The following CNPY1 variants were observed in gnomAD, a reference collection of about 807,000 sequenced individuals.
CNPY1 encodes the protein canopy FGF signaling regulator 1, also known as protein canopy homolog 1.
CNPY1 carries 14 observed loss-of-function variants against 14.4 expected under a neutral mutation model. The observed-to-expected ratio is 0.97, with a 90% CI of 0.64 to 1.52. CNPY1 has a LOEUF of 1.52. CNPY1 is among the 40% of genes most tolerant of loss of function. The probability of loss-of-function intolerance (pLI) is 0.00; values close to 1 mark genes in which losing one functional copy is unlikely to be tolerated. For synonymous variants in CNPY1, 43 were observed against 46.5 expected (o/e 0.92, Z 0.31); for missense variants, 129 against 131.5 (o/e 0.98, Z 0.09).
At chr7:155,514,889 T>C (rs1433460411) in intron 2 of CNPY1, among the ~76,000 whole-genome samples, 1 of 151,844 alleles carries the variant, frequency 6.6e-6, no homozygotes, top group South Asian at 2.1e-4. Flanking sequence ...AGCAAAACTC[T>C]GTCTCAAAAA....
intron 2 of CNPY1, among the ~76,000 whole-genome samples, chr7:155,516,937 G>A (rs1236282130): frequency 2.6e-5 from 4 of 152,206 alleles, no homozygotes; most frequent in Non-Finnish European, 4.4e-5. Context: ...TGAAACTGCT[G>A]TGATTGGGGT....
At chr7:155,529,372 T>C (rs1368198234) in intron 2 of CNPY1, among the ~76,000 whole-genome samples, 5 of 152,190 alleles carry the variant, frequency 3.3e-5, no homozygotes, top group African/African-American at 1.2e-4. Flanking sequence ...GTTTGTTTCC[T>C]AACCTGCTGT....
intron 2 of CNPY1, among the ~76,000 whole-genome samples, chr7:155,517,708 CA>C (rs1395419750): frequency 6.6e-6 from 1 of 152,224 alleles, no homozygotes; most frequent in Non-Finnish European, 1.5e-5. Context: ...GGGGTCCGCC[CA>C]AACACCTGAA....
intron 4 of CNPY1, among the ~76,000 whole-genome samples, chr7:155,504,240 AT>A (rs1047262219): frequency 3.3e-5 from 5 of 151,966 alleles, no homozygotes; most frequent in South Asian, 2.1e-4. Flanking sequence ...TTTCATGGAT[AT>A]TTTTTTTCAC....
In CNPY1 at chr7:155,545,946, A is replaced by G. The variant is rs941208739; in HGVS notation, c.-14-3T>C. 7.5e-6 allele frequency: 3 copies of G among 398,600 alleles called. No homozygotes were observed. Among genetic ancestry groups the G allele is most frequent in the Non-Finnish European group, 8.8e-6 (2 of 226,074 alleles). 24.7% of individuals were successfully genotyped at this position (398,600 alleles called of 1,614,324 possible). ...CTCGTCCATCAGCGCCCTGCACGCT[A>G]AACAAGACACAAAACAGCTGTGATC... is the stretch of plus-strand genomic sequence containing the variant. On this transcript the variant is annotated splice_region_variant and splice_polypyrimidine_tract_variant and intron_variant, in intron 1 of 4. Coordinates refer to ENST00000636446, the MANE Select transcript of CNPY1 (RefSeq NM_001393663.1).
chr7:155,544,780 C>T (rs34868160), intron 2 of CNPY1, among the ~76,000 whole-genome samples: 20,400 of 152,240 alleles, frequency 0.13, 2,865 homozygotes, highest in African/African-American at 0.35. Flanking sequence ...TTGCCAGACA[C>T]GGCTCTTGAA....
At chr7:155,523,808 G>C (rs1432211618) in intron 2 of CNPY1, among the ~76,000 whole-genome samples, 1 of 152,214 alleles carries the variant, frequency 6.6e-6, no homozygotes, top group Non-Finnish European at 1.5e-5. Flanking sequence ...GATACACTCA[G>C]CTAGGATGAG....
At chr7:155,541,233 A>T (rs1342576069) in intron 2 of CNPY1, among the ~76,000 whole-genome samples, 1 of 152,208 alleles carries the variant, frequency 6.6e-6, no homozygotes, top group Non-Finnish European at 1.5e-5. Flanking sequence ...GACCTCCGCG[A>T]GCGGAGCACG....
rs571719038 is a variant in CNPY1 at position 155,543,907 on chromosome 7, C to T, written c.99+1924G>A. Reference sequence around the variant, plus strand: ...CACACTGGTGAATGTAGCCGTCTAGCTGCTTTCAGTTGCTTTGCAGACTAA... The same window carrying T: ...CACACTGGTGAATGTAGCCGTCTAGTTGCTTTCAGTTGCTTTGCAGACTAA... On this transcript the variant is annotated intron_variant, in intron 2 of 4. Coordinates refer to ENST00000636446, the MANE Select transcript of CNPY1 (RefSeq NM_001393663.1). Among the ~76,000 whole-genome samples the T allele has an allele frequency of 1.2e-4, 18 of 152,336 alleles. No homozygotes were observed. The South Asian group carries it at 3.7e-3, about 32-fold the overall frequency.
At chr7:155,505,617 C>T (rs1308998418) in intron 4 of CNPY1, among the ~76,000 whole-genome samples, 1 of 152,202 alleles carries the variant, frequency 6.6e-6, no homozygotes, top group Non-Finnish European at 1.5e-5. Context: ...CCTGGAGCAT[C>T]TGAGAGAGGG....
At chr7:155,544,086 C>A (rs966726437) in intron 2 of CNPY1, among the ~76,000 whole-genome samples, 1 of 152,172 alleles carries the variant, frequency 6.6e-6, no homozygotes, top group Non-Finnish European at 1.5e-5. Flanking sequence ...AGGCTCAGGA[C>A]CCCCAAACGT....
intron 2 of CNPY1, among the ~76,000 whole-genome samples, chr7:155,511,059 A>G (rs1796520838): frequency 6.6e-6 from 1 of 152,230 alleles, no homozygotes. Flanking sequence ...TTGAAAGTGA[A>G]GAGTAGACGC....
chr7:155,503,111 A>G lies in CNPY1; in HGVS notation c.401-6T>C, dbSNP rs78426535. 5 of 838,052 alleles carry G rather than the reference A, an allele frequency of 6.0e-6. No homozygotes were observed. The highest frequency in any genetic ancestry group is 4.0e-5 in the East Asian group (1 of 25,270). The allele number at this position is 838,052 out of a possible 1,614,324, so 51.9% of individuals were successfully genotyped here. A position where few individuals can be genotyped will look rare whatever the true frequency, so the allele number is the denominator to read the frequency against. On this transcript the variant is annotated splice_polypyrimidine_tract_variant and splice_region_variant and intron_variant, in intron 4 of 4. Transcript: ENST00000636446. ...AGCAGAAGTTTCACACAGATCTGGA[A>G]AAAAAAAAAAAAGTAGATAGCATCA...
intron 4 of CNPY1, among the ~76,000 whole-genome samples, chr7:155,505,097 G>A (rs1796258078): frequency 6.6e-6 from 1 of 152,030 alleles, no homozygotes; most frequent in East Asian, 1.9e-4. Flanking sequence ...TCAACAGTAG[G>A]GCTTTTTGAG....
chr7:155,513,282 C>A (rs1796561408), intron 2 of CNPY1, among the ~76,000 whole-genome samples: 2 of 152,122 alleles, frequency 1.3e-5, no homozygotes, highest in Non-Finnish European at 2.9e-5. Context: ...TGAATTGCAT[C>A]TGGACGTAAT....
chr7:155,520,635 A>G (rs1796703708), intron 2 of CNPY1, among the ~76,000 whole-genome samples: 1 of 151,600 alleles, frequency 6.6e-6, no homozygotes, highest in South Asian at 2.1e-4. Flanking sequence ...GCCCCTGCTT[A>G]TTTTTTAAAA....
intron 2 of CNPY1, among the ~76,000 whole-genome samples, chr7:155,525,258 G>A (rs946111291): frequency 9.2e-5 from 14 of 152,048 alleles, no homozygotes; most frequent in African/African-American, 3.4e-4. Flanking sequence ...TCGGCTCACT[G>A]CAACCTCCGC....
intron 2 of CNPY1, among the ~76,000 whole-genome samples, chr7:155,531,345 G>C (rs1459782582): frequency 6.6e-6 from 1 of 152,222 alleles, no homozygotes; most frequent in Non-Finnish European, 1.5e-5. Flanking sequence ...GCTAAATGTT[G>C]ATGTTTTTAG....
chr7:155,541,969 T>A (rs533793663), intron 2 of CNPY1, among the ~76,000 whole-genome samples: 8 of 125,216 alleles, frequency 6.4e-5, no homozygotes, highest in African/African-American at 2.5e-4. Context: ...AACACTAGAG[T>A]GGAGGGGAAG....
Sources: gnomAD v4.1 joint callset for allele counts (sites outside exome capture counted in the v4.1 genomes callset) on GRCh38, gnomAD v4.1.1 for gene constraint, MANE v1.5 for transcripts, NCBI Gene and HGNC (gene_info 2026-07-23, HGNC 2026-07-21) for gene names.